PATJ: variants seen among roughly 807,000 people sequenced by gnomAD.
PATJ encodes the protein inaD-like protein.
Under a neutral mutation model 224.9 loss-of-function variants are expected in PATJ, and 190 were observed. That is an observed-to-expected ratio of 0.84 (90% CI 0.75 to 0.95). The LOEUF is 0.95. PATJ is among the 40% of genes least tolerant of loss of function. PATJ has a pLI of 0.00. For synonymous variants in PATJ, 769 were observed against 820.3 expected (o/e 0.94, Z 1.07); for missense variants, 2,121 against 2,270.3 (o/e 0.93, Z 1.34).
intron 40 of PATJ, 58 bp from the exon 41 acceptor site, chr1:62,128,780 ATTC>A (rs1353326744): frequency 3.8e-6 from 4 of 1,046,384 alleles, no homozygotes; most frequent in Non-Finnish European, 6.0e-6. Flanking sequence ...AATTTTAAGC[ATTC>A]TTCTCAAATT....
intron 31 of PATJ, among the ~76,000 whole-genome samples, chr1:62,052,842 C>T (rs1318559404): frequency 6.6e-6 from 1 of 152,056 alleles, no homozygotes; most frequent in African/African-American, 2.4e-5. Context: ...AAATGAGGAA[C>T]AGCAACAAAT....
intron 18 of PATJ, among the ~76,000 whole-genome samples, chr1:61,860,460 T>C (rs1040467489): frequency 2.6e-5 from 4 of 152,208 alleles, no homozygotes; most frequent in African/African-American, 7.2e-5. Flanking sequence ...TGCTTAGTTA[T>C]GTGGTTTGCA....
chr1:61,920,702 C>CTTTTTT (rs71582652), intron 26 of PATJ, among the ~76,000 whole-genome samples: 7 of 89,506 alleles, frequency 7.8e-5, no homozygotes, highest in South Asian at 4.4e-4. Flanking sequence ...GTATGGAATT[C>CTTTTTT]TTTTTTTTTT....
chr1:61,848,923 T>C (rs540050167), intron 17 of PATJ, among the ~76,000 whole-genome samples: 1 of 152,222 alleles, frequency 6.6e-6, no homozygotes, highest in Non-Finnish European at 1.5e-5. Context: ...TTGACCATTA[T>C]TAAGTTGGAA....
chr1:61,944,856 C>T (rs1235584847), intron 27 of PATJ, among the ~76,000 whole-genome samples: 8 of 152,160 alleles, frequency 5.3e-5, no homozygotes, highest in Non-Finnish European at 1.0e-4. Context: ...AAGGGAAGCC[C>T]ATCAGACTAA....
intron 27 of PATJ, among the ~76,000 whole-genome samples, chr1:61,980,818 T>A (rs1644413739): frequency 6.6e-6 from 1 of 151,920 alleles, no homozygotes; most frequent in Non-Finnish European, 1.5e-5. Context: ...ACAGGAGGAG[T>A]GCTACCATTT....
At chr1:61,785,940 T>C (rs907148989) in intron 7 of PATJ, among the ~76,000 whole-genome samples, 3 of 152,288 alleles carry the variant, frequency 2.0e-5, no homozygotes, top group Admixed American at 6.5e-5. Flanking sequence ...ATTACCAGTG[T>C]GTAATACATA....
intron 28 of PATJ, among the ~76,000 whole-genome samples, chr1:62,007,977 T>C (rs114758327): frequency 0.011 from 1,634 of 152,264 alleles, 14 homozygotes; most frequent in Middle Eastern, 0.038. Flanking sequence ...TAGAATCTAT[T>C]GTAATGGTGT....
intron 1 of PATJ, among the ~76,000 whole-genome samples, chr1:61,743,243 T>C (rs918948195): frequency 2.0e-5 from 3 of 152,186 alleles, no homozygotes; most frequent in Non-Finnish European, 4.4e-5. Context: ...TTAGGGGAAA[T>C]TCCTGGACTC....
intron 33 of PATJ, among the ~76,000 whole-genome samples, chr1:62,090,780 C>T (rs1172605265): frequency 6.6e-6 from 1 of 152,182 alleles, no homozygotes; most frequent in Non-Finnish European, 1.5e-5. Context: ...AAGACCAAGG[C>T]CTCTTACCTT....
chr1:61,832,101 A>G (rs569357680), intron 16 of PATJ, among the ~76,000 whole-genome samples: 20 of 152,272 alleles, frequency 1.3e-4, no homozygotes, highest in African/African-American at 4.8e-4. Flanking sequence ...ACATGTTCTC[A>G]CTCATAAGTG....
intron 27 of PATJ, among the ~76,000 whole-genome samples, chr1:61,977,169 C>A (rs1484930755): frequency 1.3e-5 from 2 of 152,060 alleles, no homozygotes; most frequent in African/African-American, 2.4e-5. Context: ...CTTACTATAT[C>A]CTCCACCTCC....
chr1:61,743,344 G>T (rs1294555856), intron 1 of PATJ, among the ~76,000 whole-genome samples: 1 of 152,202 alleles, frequency 6.6e-6, no homozygotes, highest in Non-Finnish European at 1.5e-5. Context: ...CGAATTAAGT[G>T]AACACCCCTT....
At chr1:62,135,772 T>C (rs1158492646) in intron 41 of PATJ, among the ~76,000 whole-genome samples, 2 of 152,188 alleles carry the variant, frequency 1.3e-5, no homozygotes, top group Non-Finnish European at 2.9e-5. Context: ...AAGTGTGATG[T>C]AAAGTGTCTA....
intron 17 of PATJ, among the ~76,000 whole-genome samples, chr1:61,850,378 C>G (rs1310739252): frequency 6.6e-6 from 1 of 152,206 alleles, no homozygotes. Context: ...TAACAGTCTT[C>G]TTACGCCCAC....
At chr1:62,062,392 CT>C (rs60747316) in intron 31 of PATJ, among the ~76,000 whole-genome samples, 624 of 28,470 alleles carry the variant, frequency 0.022, 9 homozygotes, top group African/African-American at 0.09. Context: ...ATGTTGTCTT[CT>C]TTTTTTTTTT....
intron 13 of PATJ, 39 bp from the exon 14 acceptor site, chr1:61,808,435 T>G (rs775228973): frequency 4.7e-6 from 6 of 1,270,530 alleles, no homozygotes; most frequent in Non-Finnish European, 6.9e-6. Context: ...AATACAGTTA[T>G]GCTTTTACAA....
intron 27 of PATJ, among the ~76,000 whole-genome samples, chr1:61,986,947 CT>C (rs61639925): frequency 6.0e-5 from 9 of 150,764 alleles, no homozygotes; most frequent in Admixed American, 2.6e-4. Flanking sequence ...AGTTATAATA[CT>C]TTTTTTTTAA....
chr1:61,812,485 C>T (rs1239128489), intron 14 of PATJ, among the ~76,000 whole-genome samples: 3 of 141,176 alleles, frequency 2.1e-5, no homozygotes, highest in Non-Finnish European at 3.1e-5. Context: ...TTGGTGGGTG[C>T]TCATCTTGGA....
Sources: gnomAD v4.1 joint callset for allele counts (sites outside exome capture counted in the v4.1 genomes callset) on GRCh38, gnomAD v4.1.1 for gene constraint, MANE v1.5 for transcripts, NCBI Gene and HGNC (gene_info 2026-07-23, HGNC 2026-07-21) for gene names.